Variants in LIN28A observed in about 807,000 individuals in gnomAD.
LIN28A encodes protein lin-28 homolog A.
LIN28A carries 11 observed loss-of-function variants against 21.1 expected under a neutral mutation model. The ratio of observed to expected loss-of-function variants is 0.52; its 90% CI spans 0.33 to 0.86. The LOEUF (loss-of-function observed/expected upper bound fraction) is 0.86. Ranked by LOEUF, LIN28A falls within the 40% of genes least tolerant of loss-of-function variation. The probability of loss-of-function intolerance (pLI) is 0.03; values close to 1 mark genes in which losing one functional copy is unlikely to be tolerated. For missense variants in LIN28A, 219 were observed against 279.8 expected (o/e 0.78, Z 1.55); for synonymous variants, 111 against 108.7 (o/e 1.02, Z -0.13).
At chr1:26,425,688 C>CAAGTAAGTTTGCTCTGTGGTCTCT (rs1553119349) in intron 3 of LIN28A, among the ~76,000 whole-genome samples, 3 of 152,092 alleles carry the variant, frequency 2.0e-5, no homozygotes, top group African/African-American at 7.2e-5. Flanking sequence ...CTACTTGGGA[C>CAAGTAAGTTTGCTCTGTGGTCTCT]AAGTAAGTTT....
intron 2 of LIN28A, among the ~76,000 whole-genome samples, chr1:26,413,014 C>T (rs559543373): frequency 2.6e-5 from 4 of 152,096 alleles, no homozygotes; most frequent in African/African-American, 9.7e-5. Context: ...TCTCCCTTCT[C>T]TGTCTCATTT....
chr1:26,418,284 C>T (rs571027457), intron 2 of LIN28A, among the ~76,000 whole-genome samples: 60 of 152,188 alleles, frequency 3.9e-4, no homozygotes, highest in Non-Finnish European at 5.6e-4. Context: ...CGGTGGCTCA[C>T]GCCTGTAATC....
intron 3 of LIN28A, among the ~76,000 whole-genome samples, chr1:26,425,926 C>A (rs1351592170): frequency 1.3e-5 from 2 of 152,182 alleles, no homozygotes; most frequent in Non-Finnish European, 2.9e-5. Flanking sequence ...TCTTTAATTT[C>A]TCCTATATTA....
intron 2 of LIN28A, among the ~76,000 whole-genome samples, chr1:26,412,576 G>C (rs948946366): frequency 3.9e-5 from 6 of 152,110 alleles, no homozygotes; most frequent in African/African-American, 1.4e-4. Flanking sequence ...TGGAGGTTTG[G>C]GACTGGATCT....
At chr1:26,426,178 C>A in intron 3 of LIN28A, 64 bp from the exon 4 acceptor site, 1 of 1,337,864 alleles carries the variant, frequency 7.5e-7, no homozygotes, top group Non-Finnish European at 1.1e-6. Flanking sequence ...TGTCCTCATT[C>A]GTGGGAGGCA....
At chr1:26,425,206 T>A (rs773506452) in intron 2 of LIN28A, 97 bp from the exon 3 acceptor site, 33 of 1,199,990 alleles carry the variant, frequency 2.8e-5, no homozygotes, top group Non-Finnish European at 3.9e-5. Flanking sequence ...AGGAGTACCA[T>A]CACATTTGAT....
rs2074961735 is a variant in LIN28A, at chr1:26,411,836, T to C, written c.228+254T>C. Among the ~76,000 whole-genome samples the C allele has an allele frequency of 6.6e-6, 1 of 152,100 alleles. No individual in the cohort carries two copies. The highest frequency in any genetic ancestry group is 1.5e-5 in the Non-Finnish European group (1 of 68,014). ...GCTTACCACGTGTCTATTACCTCTT[T>C]CCCCTGGGAAGGGGCAGGGGGCAGG... On this transcript the variant is annotated intron_variant, in intron 2 of 3. Coordinates refer to ENST00000326279, the MANE Select transcript of LIN28A (RefSeq NM_024674.6). This position sits in a 1 kb window ranked among gnomAD's most constrained non-coding sequence, Gnocchi z 5.4.
At position 26,411,856 on chromosome 1, in the gene LIN28A, G is replaced by A. The variant is rs1182518390; in HGVS notation, c.228+274G>A. Among the ~76,000 whole-genome samples, 1 of 152,236 alleles carries A rather than the reference G, an allele frequency of 6.6e-6. No homozygotes were observed. The highest frequency in any genetic ancestry group is 1.5e-5 in the Non-Finnish European group (1 of 68,056). On this transcript the variant is annotated intron_variant, in intron 2 of 3. Transcript: ENST00000326279. This position sits in a 1 kb window ranked among gnomAD's most constrained non-coding sequence, Gnocchi z 5.4. ...CTCTTTCCCCTGGGAAGGGGCAGGGGGCAGGGAGGTGACCCCATGTGGCAG... is the reference window on the plus strand; with the variant it reads ...CTCTTTCCCCTGGGAAGGGGCAGGGAGCAGGGAGGTGACCCCATGTGGCAG...
chr1:26,415,137 C>T (rs2074985430), intron 2 of LIN28A, among the ~76,000 whole-genome samples: 1 of 152,120 alleles, frequency 6.6e-6, no homozygotes, highest in Non-Finnish European at 1.5e-5. Flanking sequence ...GGCTTTCTGG[C>T]TAAAATGCTA....
chr1:26,419,797 G>A (rs1221581117), intron 2 of LIN28A, among the ~76,000 whole-genome samples: 1 of 152,098 alleles, frequency 6.6e-6, no homozygotes, highest in African/African-American at 2.4e-5. Flanking sequence ...ATCACAGCTA[G>A]AACTAGGAGT....
rs2075069436 is a variant in LIN28A at position 26,427,976 on chromosome 1, G to A, written c.*1518G>A. The A allele has an allele frequency of 1.3e-5, 2 of 152,566 alleles. No individual in the cohort carries two copies. The highest frequency in any genetic ancestry group is 2.4e-5 in the African/African-American group (1 of 41,414). 9.5% of individuals were successfully genotyped at this position (152,566 alleles called of 1,614,324 possible). ...AAACCTACCTTACTGTGTTGAAACG[G>A]GACAAATGCAATAGAACGCATTGGG... is the stretch of plus-strand genomic sequence containing the variant. On this transcript the variant is annotated 3_prime_UTR_variant, in exon 4 of 4. Coordinates refer to ENST00000326279, the MANE Select transcript of LIN28A (RefSeq NM_024674.6).
At chr1:26,423,105 G>C (rs1374096115) in intron 2 of LIN28A, among the ~76,000 whole-genome samples, 1 of 152,100 alleles carries the variant, frequency 6.6e-6, no homozygotes, top group African/African-American at 2.4e-5. Flanking sequence ...CCAGGCTGGA[G>C]TACAGTGGTG....
chr1:26,415,140 A>C (rs1169937028), intron 2 of LIN28A, among the ~76,000 whole-genome samples: 1 of 152,190 alleles, frequency 6.6e-6, no homozygotes, highest in Non-Finnish European at 1.5e-5. Context: ...TTTCTGGCTA[A>C]AATGCTATAT....
Position 26,411,730 on chromosome 1 carries a change from C to G in LIN28A, c.228+148C>G. ...TTGCTTCGGCACCCCAATTCTGAGTCCCTGTTAACTATCTCGTGGGGGAGT... is the reference window on the plus strand; with the variant it reads ...TTGCTTCGGCACCCCAATTCTGAGTGCCTGTTAACTATCTCGTGGGGGAGT... On this transcript the variant is annotated intron_variant, in intron 2 of 3. Transcript: ENST00000326279. The surrounding 1 kb of genome is among the most constrained non-coding windows in gnomAD (Gnocchi z 5.4). The G allele has an allele frequency of 1.3e-6, 1 of 755,146 alleles. No individual in the cohort carries two copies. The highest frequency in any genetic ancestry group is 2.2e-6 in the Non-Finnish European group (1 of 460,584). The allele number at this position is 755,146 out of a possible 1,614,324, so 46.8% of individuals were successfully genotyped here.
At position 26,423,434 on chromosome 1, in the gene LIN28A, T is replaced by G. The variant is rs1368837828; in HGVS notation, c.229-1869T>G. Among the ~76,000 whole-genome samples the G allele has an allele frequency of 5.0e-4, 64 of 127,180 alleles. 1 individual carries two copies. The highest frequency in any genetic ancestry group is 1.8e-3 in the African/African-American group (52 of 28,480). The allele number at this position is 127,180 out of a possible 152,430, so 83.4% of individuals were successfully genotyped here. Reference sequence around the variant, plus strand: ...TTTTCTTTTTTTTTTTTTTTTTTTTTTTGTTGTTGTTGTTGCCCAGGCTAG... The same window carrying G: ...TTTTCTTTTTTTTTTTTTTTTTTTTGTTGTTGTTGTTGTTGCCCAGGCTAG... On this transcript the variant is annotated intron_variant, in intron 2 of 3. Coordinates refer to ENST00000326279, the MANE Select transcript of LIN28A (RefSeq NM_024674.6).
rs959015199 is a variant in LIN28A at position 26,416,626 on chromosome 1, T to A, written c.228+5044T>A. Reference sequence around the variant, plus strand: ...ACATGATCTCACCATCGAGGTTTTTTATTTTTTTTGAGACGGAATCTCTCT... The same window carrying A: ...ACATGATCTCACCATCGAGGTTTTTAATTTTTTTTGAGACGGAATCTCTCT... On this transcript the variant is annotated intron_variant, in intron 2 of 3. Transcript: ENST00000326279. 2.6e-5 allele frequency among the ~76,000 whole-genome samples: 4 copies of A among 152,060 alleles called. No individual in the cohort carries two copies. In the East Asian group the frequency reaches 5.8e-4, roughly 22 times the overall value.
intron 2 of LIN28A, among the ~76,000 whole-genome samples, chr1:26,416,080 A>T (rs1010448055): frequency 1.3e-5 from 2 of 151,536 alleles, no homozygotes; most frequent in Admixed American, 1.3e-4. Context: ...GCAACTTCTG[A>T]CTTTTGGGTT....
rs150921733 is a variant in LIN28A, at chr1:26,411,552, C to A, written c.198C>A (p.Leu66=). The change falls in exon 2 of 4, where the codon CTC becomes CTA. Residue 66 remains leucine, a synonymous_variant. Transcript: ENST00000326279. The surrounding 1 kb of genome is among the most constrained non-coding windows in gnomAD (Gnocchi z 5.4). ...LSMTARAGVA[L]DPPVDVFVHQ... Reference sequence around the variant, plus strand: ...TGACCGCCCGCGCCGGGGTCGCGCTCGACCCCCCAGTGGATGTCTTTGTGC... The same window carrying A: ...TGACCGCCCGCGCCGGGGTCGCGCTAGACCCCCCAGTGGATGTCTTTGTGC... 6.2e-7 allele frequency: 1 copy of A among 1,613,844 alleles called. No homozygotes were observed. The highest frequency in any genetic ancestry group is 2.2e-5 in the East Asian group (1 of 44,830).
chr1:26,415,874 A>C (rs1287908453), intron 2 of LIN28A, among the ~76,000 whole-genome samples: 1 of 152,230 alleles, frequency 6.6e-6, no homozygotes, highest in African/African-American at 2.4e-5. Context: ...GCTTAAAAAT[A>C]AATTGACTCG....
Sources: gnomAD v4.1 joint callset for allele counts (sites outside exome capture counted in the v4.1 genomes callset) on GRCh38, gnomAD v4.1.1 for gene constraint, Gnocchi (gnomAD v3.1) non-coding constraint, MANE v1.5 for transcripts, NCBI Gene and HGNC (gene_info 2026-07-23, HGNC 2026-07-21) for gene names.